CIAO3: variants seen among roughly 807,000 people sequenced by gnomAD.
CIAO3 encodes LET1 like/JFP15.
CIAO3 carries 45 observed loss-of-function variants against 51.5 expected under a neutral mutation model. That is an observed-to-expected ratio of 0.87 (90% CI 0.69 to 1.12). CIAO3 has a LOEUF of 1.12. CIAO3 is among the 50% of genes most tolerant of loss of function. The pLI, the probability that CIAO3 is intolerant of heterozygous loss-of-function variation, is 0.00. For missense variants in CIAO3, 668 were observed against 632.5 expected (o/e 1.06, Z -0.60); for synonymous variants, 314 against 269.3 (o/e 1.17, Z -1.63).
chr16:739,330 C>T (rs190876420), intron 2 of CIAO3: 40 of 367,182 alleles, frequency 1.1e-4, no homozygotes, highest in African/African-American at 6.9e-4. Context: ...AACAAAAGAA[C>T]GAGGGGTCTG....
chr16:730,577 TAC>T lies in CIAO3; in HGVS notation c.1269_1270del (p.Tyr424ArgfsTer6). ...GGGCGCCTCAGCCCGGACCATGCCG[TAC>T]AGTCTCTCCACGTGCTGGAGGAGCT... is the stretch of plus-strand genomic sequence containing the variant. On this transcript the variant is annotated frameshift_variant, in exon 11 of 11. Transcript: ENST00000251588. LOFTEE classifies it low-confidence loss of function (END_TRUNC). 3.1e-6 allele frequency: 5 copies of T among 1,611,092 alleles called. No homozygotes were observed. The highest frequency in any genetic ancestry group is 3.4e-6 in the Non-Finnish European group (4 of 1,179,974).
In CIAO3 at chr16:730,095, C is replaced by T; in HGVS notation, c.*322G>A. Reference sequence around the variant, plus strand: ...CCGGGACAGGCTGAAGCCCCTCACGCACTTGGGTGCCCGACCAGCAGCAGC... The same window carrying T: ...CCGGGACAGGCTGAAGCCCCTCACGTACTTGGGTGCCCGACCAGCAGCAGC... On this transcript the variant is annotated 3_prime_UTR_variant, in exon 11 of 11. Coordinates refer to ENST00000251588, the MANE Select transcript of CIAO3 (RefSeq NM_022493.3). 2.1e-6 allele frequency: 1 copy of T among 475,942 alleles called. No homozygotes were observed. Among genetic ancestry groups the T allele is most frequent in the Non-Finnish European group, 3.8e-6 (1 of 262,700 alleles). The allele number at this position is 475,942 out of a possible 1,614,324, so 29.5% of individuals were successfully genotyped here.
chr16:736,332 C>T lies in CIAO3; in HGVS notation c.373G>A (p.Ala125Thr). The change falls in exon 4 of 11, where the codon GCT (alanine) becomes ACT (threonine). Residue 125 changes from alanine to threonine, a missense_variant. Coordinates refer to ENST00000251588, the MANE Select transcript of CIAO3 (RefSeq NM_022493.3). ...GTAGGATTCAGCTGAAACCGTGCAG[C>T]CAGCGATGCTCTAGACTGTGGTGAG... ...SVSPQSRASL[A>T]ARFQLNPTDT... The T allele has an allele frequency of 6.2e-7, 1 of 1,613,096 alleles. No individual in the cohort carries two copies. Among genetic ancestry groups the T allele is most frequent in the Non-Finnish European group, 8.5e-7 (1 of 1,179,826 alleles).
rs778930617 is a variant in CIAO3, at chr16:739,753, G to C, written c.67-15C>G. ...TTGATGCACTCCTAGAGCAGGAAGAGACCCCAAATCAGCCCCTGTGAGTGG... is the reference window on the plus strand; with the variant it reads ...TTGATGCACTCCTAGAGCAGGAAGACACCCCAAATCAGCCCCTGTGAGTGG... On this transcript the variant is annotated splice_polypyrimidine_tract_variant and intron_variant, in intron 1 of 10. Transcript: ENST00000251588. The C allele has an allele frequency of 1.2e-6, 2 of 1,612,346 alleles. No individual in the cohort carries two copies. The highest frequency in any genetic ancestry group is 1.7e-6 in the Non-Finnish European group (2 of 1,178,768).
Position 734,771 on chromosome 16 carries a change from T to C in CIAO3, c.540A>G (p.Arg180=), listed in dbSNP as rs752293960. ...CAGAGGCCAGCAGGGGCAGCGCCTG[T>C]CTGCAGTCGGCCTGTCCTCGGAATC... The part of the protein sequence containing the change: ...VRRFRGQADC[R]QALPLLASAC... The change falls in exon 5 of 11, where the codon AGA becomes AGG. Residue 180 remains arginine, a synonymous_variant. Transcript: ENST00000251588. 3 of 1,611,436 alleles carry C rather than the reference T, an allele frequency of 1.9e-6. No individual in the cohort carries two copies. The highest frequency in any genetic ancestry group is 2.2e-5 in the South Asian group (2 of 91,062).
rs2041260257 is a variant in CIAO3 at position 730,399 on chromosome 16, G to T, written c.*18C>A. On this transcript the variant is annotated 3_prime_UTR_variant, in exon 11 of 11. Transcript: ENST00000251588. ...CACACATGGACACGGCCTCCTGGGA[G>T]TCCTGGTCCTGCAGCCCCTACCACC... 3 of 1,595,418 alleles carry T rather than the reference G, an allele frequency of 1.9e-6. No homozygotes were observed. The African/African-American group carries it at 4.0e-5, about 21-fold the overall frequency.
Position 737,927 on chromosome 16 carries a change from T to A in CIAO3, c.163-598A>T. 8.5e-7 allele frequency: 1 copy of A among 1,180,954 alleles called. No homozygotes were observed. 73.2% of individuals were successfully genotyped at this position (1,180,954 alleles called of 1,614,324 possible). On this transcript the variant is annotated intron_variant, in intron 2 of 10. Coordinates refer to ENST00000251588, the MANE Select transcript of CIAO3 (RefSeq NM_022493.3). The surrounding 1 kb of genome is among the most constrained non-coding windows in gnomAD (Gnocchi z 5.3). ...CGCACCCAGCTCGAGCTCCCCCAAC[T>A]TCTCCTGCAAAGGCAGGAATGGTTT...
chr16:734,691 A>G (rs993509753), intron 5 of CIAO3, 46 bp downstream of exon 5: 1 of 1,612,662 alleles, frequency 6.2e-7, no homozygotes, highest in South Asian at 1.1e-5. Flanking sequence ...TCACGTTTCA[A>G]CTGCACTTGA....
intron 2 of CIAO3, 28 bp downstream of exon 2, chr16:739,615 G>A (rs373578478): frequency 2.5e-6 from 4 of 1,599,792 alleles, no homozygotes; most frequent in Non-Finnish European, 3.4e-6. Context: ...GGGCAGGAGA[G>A]ATGGTGGAGC....
chr16:731,142 A>G (rs760326123), intron 9 of CIAO3, 142 bp from the exon 10 acceptor site: 77 of 1,084,814 alleles, frequency 7.1e-5, no homozygotes, highest in Non-Finnish European at 8.5e-5. Context: ...AGGGAAGGAC[A>G]AGAACGGAGA....
In CIAO3 at chr16:731,690, G is replaced by A; in HGVS notation, c.909C>T (p.Ala303=). The A allele has an allele frequency of 1.9e-6, 3 of 1,556,318 alleles. No homozygotes were observed. The highest frequency in any genetic ancestry group is 2.6e-6 in the Non-Finnish European group (3 of 1,152,774). Residue 303 remains alanine, a synonymous_variant, in exon 9 of 11, where the codon GCC becomes GCT. Transcript: ENST00000251588. ...GATGGCTGGTGGGCTCCTCTGCAGA[G>A]GCACCGCTGCACCTGGCAAGGAGGG... ...PAPLDSLCSG[A]SAEEPTSHRG... is the part of the protein sequence containing the mutation.
Position 730,605 on chromosome 16 carries a change from C to G in CIAO3, c.1243G>C (p.Glu415Gln). Residue 415 changes from glutamate to glutamine, a missense_variant, in exon 11 of 11, where the codon GAG becomes CAG. By Grantham distance (29) the Glu-to-Gln change is conservative. Transcript: ENST00000251588. The stretch of plus-strand genomic sequence containing the variant: ...AGTCTCTCCACGTGCTGGAGGAGCT[C>G]TCTGCTGGGCCTGTCTGGGGCCTGG... Reference protein sequence around the residue: ...QLQAPDRPSRELLQHVERLYG... With the variant: ...QLQAPDRPSRQLLQHVERLYG... 1 of 1,610,612 alleles carries G rather than the reference C, an allele frequency of 6.2e-7. No individual in the cohort carries two copies. The highest frequency in any genetic ancestry group is 8.5e-7 in the Non-Finnish European group (1 of 1,179,968).
intron 6 of CIAO3, 151 bp downstream of exon 6, chr16:734,078 T>C (rs866291869): frequency 4.3e-6 from 3 of 705,702 alleles, no homozygotes; most frequent in Admixed American, 4.3e-5. Context: ...AGGAAGGGCC[T>C]GAACCAGGAG....
chr16:732,539 G>GC (rs1396490354), intron 7 of CIAO3, 166 bp from the exon 8 acceptor site: 1 of 779,122 alleles, frequency 1.3e-6, no homozygotes, highest in African/African-American at 1.7e-5. Context: ...CACTCCTGAA[G>GC]CCCCTCTGGA....
At chr16:738,388 AC>A in intron 2 of CIAO3, 1 of 913,022 alleles carries the variant, frequency 1.1e-6, no homozygotes, top group Non-Finnish European at 1.3e-6. Context: ...TCGCTCTGTC[AC>A]CCAGGCTAGA....
At chr16:733,018 G>GCTGC in intron 7 of CIAO3, 1 of 432,916 alleles carries the variant, frequency 2.3e-6, no homozygotes, top group Non-Finnish European at 4.3e-6. Context: ...AGCTGAAGAG[G>GCTGC]CTGCATTCGA....
rs1024606676 is a variant in CIAO3, at chr16:734,766, G to A, written c.545C>T (p.Ala182Val). ...GCAGGCAGAGGCCAGCAGGGGCAGC[G>A]CCTGTCTGCAGTCGGCCTGTCCTCG... is the stretch of plus-strand genomic sequence containing the variant. ...RFRGQADCRQALPLLASACPG... is the reference protein window; with the variant it reads ...RFRGQADCRQVLPLLASACPG... The change falls in exon 5 of 11, where the codon GCG becomes GTG. Residue 182 changes from alanine (A) to valine (V), a missense_variant. By Grantham distance (64) the Ala-to-Val change is moderately conservative (BLOSUM62 0). Coordinates refer to ENST00000251588, the MANE Select transcript of CIAO3 (RefSeq NM_022493.3). 6 of 1,611,684 alleles carry A rather than the reference G, an allele frequency of 3.7e-6. No individual in the cohort carries two copies. The highest frequency in any genetic ancestry group is 5.1e-6 in the Non-Finnish European group (6 of 1,178,976).
At position 730,264 on chromosome 16, in the gene CIAO3, G is replaced by T; in HGVS notation, c.*153C>A. The T allele has an allele frequency of 1.3e-6, 1 of 742,624 alleles. No individual in the cohort carries two copies. The highest frequency in any genetic ancestry group is 2.2e-6 in the Non-Finnish European group (1 of 458,282). The allele number at this position is 742,624 out of a possible 1,614,324, so 46.0% of individuals were successfully genotyped here. On this transcript the variant is annotated 3_prime_UTR_variant, in exon 11 of 11. Transcript: ENST00000251588. Reference sequence around the variant, plus strand: ...GGCACCCAACTGGAGGTGACGAGGCGGCTGCGGGTCCTGGCTAGTCCTAGC... The same window carrying T: ...GGCACCCAACTGGAGGTGACGAGGCTGCTGCGGGTCCTGGCTAGTCCTAGC...
Position 737,573 on chromosome 16 carries a change from G to A in CIAO3, c.163-244C>T, listed in dbSNP as rs2041352227. The A allele has an allele frequency of 4.1e-6, 6 of 1,472,500 alleles. No homozygotes were observed. The African/African-American group carries it at 4.2e-5, about 10-fold the overall frequency. The allele number at this position is 1,472,500 out of a possible 1,614,324, so 91.2% of individuals were successfully genotyped here. ...TAGTGCATCCGAATCACAGGACTAA[G>A]GCTTGCCACTGGTATCTCAGCAAAG... On this transcript the variant is annotated intron_variant, in intron 2 of 10. Coordinates refer to ENST00000251588, the MANE Select transcript of CIAO3 (RefSeq NM_022493.3). This position sits in a 1 kb window ranked among gnomAD's most constrained non-coding sequence, Gnocchi z 5.3.
Sources: gnomAD v4.1 joint callset for allele counts on GRCh38, gnomAD v4.1.1 for gene constraint, Gnocchi (gnomAD v3.1) non-coding constraint, MANE v1.5 for transcripts, NCBI Gene and HGNC (gene_info 2026-07-23, HGNC 2026-07-21) for gene names.